The following PUDP variants were observed in gnomAD, a reference collection of about 807,000 sequenced individuals.
PUDP encodes pseudouridine-5'-phosphatase.
A neutral mutation model predicts 9.4 loss-of-function variants in PUDP; 8 were observed. The ratio of observed to expected loss-of-function variants is 0.85; its 90% CI spans 0.50 to 1.53. The LOEUF (loss-of-function observed/expected upper bound fraction) is 1.53. Ranked by LOEUF, PUDP falls within the 40% of genes most tolerant of loss-of-function variation. The pLI is 0.00. For synonymous variants in PUDP, 99 were observed against 80.7 expected (o/e 1.23, Z -1.22); for missense variants, 188 against 189.7 (o/e 0.99, Z 0.05).
At chrX:6,938,842 C>A (rs6639720) in intron 3 of PUDP, among the ~76,000 whole-genome samples, 1 of 97,885 alleles carries the variant, frequency 1.0e-5, no homozygotes, top group Non-Finnish European at 2.0e-5. Flanking sequence ...GGTATGAAGG[C>A]GAACATGACA....
chrX:6,943,672 C>T (rs763656975), intron 3 of PUDP, among the ~76,000 whole-genome samples: 2 of 111,342 alleles, frequency 1.8e-5, no homozygotes, highest in South Asian at 3.8e-4. Context: ...AGAAATATTC[C>T]GGTAGGTGTT....
At chrX:6,714,887 A>C (rs1415065432) in intron 1 of PUDP, among the ~76,000 whole-genome samples, 2 of 111,005 alleles carry the variant, frequency 1.8e-5, no homozygotes, top group Non-Finnish European at 3.8e-5. Context: ...ATGTGTCCTA[A>C]ATTGACTGCC....
intron 1 of PUDP, among the ~76,000 whole-genome samples, chrX:7,133,477 C>T (rs1377856144): frequency 8.9e-6 from 1 of 112,139 alleles, no homozygotes; most frequent in African/African-American, 3.2e-5. Flanking sequence ...GGTGCAGAAG[C>T]GGCAAAGGAA....
chrX:7,107,417 T>A (rs1342504702), intron 1 of PUDP, among the ~76,000 whole-genome samples: 1 of 112,728 alleles, frequency 8.9e-6, no homozygotes, highest in African/African-American at 3.2e-5. Context: ...CCAAGAGGCA[T>A]GTAAGTCTTC....
intron 3 of PUDP, among the ~76,000 whole-genome samples, chrX:6,785,740 C>T (rs1925637002): frequency 9.0e-6 from 1 of 111,362 alleles, no homozygotes; most frequent in African/African-American, 3.3e-5. Context: ...TCTTCTCTAT[C>T]CCTATCACCA....
chrX:6,984,800 T>C (rs1269775478), intron 1 of PUDP, among the ~76,000 whole-genome samples: 1 of 111,661 alleles, frequency 9.0e-6, no homozygotes, highest in African/African-American at 3.3e-5. Flanking sequence ...TCACGCAATT[T>C]GGGTTTCACA....
intron 3 of PUDP, among the ~76,000 whole-genome samples, chrX:6,784,869 A>G (rs932909037): frequency 3.6e-5 from 4 of 112,176 alleles, no homozygotes; most frequent in Non-Finnish European, 7.5e-5. Flanking sequence ...ATAAATACCT[A>G]AGAAGGTCTT....
At chrX:6,853,878 C>G (rs1293942439) in intron 3 of PUDP, among the ~76,000 whole-genome samples, 2 of 111,077 alleles carry the variant, frequency 1.8e-5, no homozygotes, top group Non-Finnish European at 3.8e-5. Context: ...ATTCTCCTGC[C>G]TCAGCCTCCC....
intron 3 of PUDP, among the ~76,000 whole-genome samples, chrX:6,934,597 A>C (rs1160816431): frequency 5.5e-5 from 6 of 108,582 alleles, no homozygotes; most frequent in Admixed American, 1.0e-4. Flanking sequence ...TAACCAGCTA[A>C]CATCATAATG....
chrX:6,977,993 T>C (rs1038022851), intron 2 of PUDP, among the ~76,000 whole-genome samples: 1 of 112,400 alleles, frequency 8.9e-6, no homozygotes, highest in Non-Finnish European at 1.9e-5. Flanking sequence ...CCTGCTAGCC[T>C]GGACACTGGA....
chrX:6,999,040 GTGACTTTTCTCTATGTC>G (rs1228959674), intron 1 of PUDP, among the ~76,000 whole-genome samples: 1 of 111,501 alleles, frequency 9.0e-6, no homozygotes, highest in African/African-American at 3.3e-5. Context: ...ATATAGCTGG[GTGACTTTTCTCTATGTC>G]TGTGTCCAGA....
At chrX:6,780,392 A>G (rs1183057350) in intron 3 of PUDP, among the ~76,000 whole-genome samples, 2 of 111,124 alleles carry the variant, frequency 1.8e-5, no homozygotes, top group Non-Finnish European at 3.8e-5. Flanking sequence ...CTTAAACTAC[A>G]GAGTGTTTAA....
intron 1 of PUDP, among the ~76,000 whole-genome samples, chrX:7,017,088 C>A (rs977464101): frequency 6.3e-5 from 7 of 111,961 alleles, no homozygotes; most frequent in African/African-American, 2.3e-4. Context: ...CTGCCCGAAA[C>A]CCTCCACTAT....
intron 1 of PUDP, among the ~76,000 whole-genome samples, chrX:7,123,222 G>C (rs368382832): frequency 8.9e-6 from 1 of 112,464 alleles, no homozygotes; most frequent in Non-Finnish European, 1.9e-5. Flanking sequence ...AATTTTGTGT[G>C]AAGTAAATTA....
chrX:6,744,880 T>A (rs1459921175), intron 3 of PUDP, among the ~76,000 whole-genome samples: 1 of 111,613 alleles, frequency 9.0e-6, no homozygotes, highest in Non-Finnish European at 1.9e-5. Flanking sequence ...AAAAACGATC[T>A]CAATAGAAAA....
intron 3 of PUDP, among the ~76,000 whole-genome samples, chrX:6,746,463 C>T (rs770504818): frequency 8.9e-6 from 1 of 111,790 alleles, no homozygotes; most frequent in East Asian, 2.8e-4. Flanking sequence ...AGGTTTGCTA[C>T]ATAAGTAAAC....
At chrX:7,098,978 G>A (rs1035869335) in intron 2 of PUDP, among the ~76,000 whole-genome samples, 3 of 109,162 alleles carry the variant, frequency 2.7e-5, no homozygotes, top group Admixed American at 2.0e-4. Context: ...GAGCACATCT[G>A]CAAGGCAGGC....
At chrX:7,139,744 A>G (rs1169298348) in intron 1 of PUDP, among the ~76,000 whole-genome samples, 1 of 112,134 alleles carries the variant, frequency 8.9e-6, no homozygotes, top group East Asian at 2.8e-4. Flanking sequence ...TTTTTTAAAT[A>G]AGGCACCATC....
At chrX:7,131,553 C>T (rs746796063) in intron 1 of PUDP, among the ~76,000 whole-genome samples, 3 of 109,579 alleles carry the variant, frequency 2.7e-5, no homozygotes, top group Non-Finnish European at 5.7e-5. Flanking sequence ...AAAACGCAGC[C>T]CTGCTGATAT....
Sources: allele counts gnomAD v4.1 joint callset (sites outside exome capture counted in the v4.1 genomes callset), GRCh38; gene constraint gnomAD v4.1.1; transcripts MANE v1.5; gene names NCBI Gene and HGNC (gene_info 2026-07-23, HGNC 2026-07-21).